CDK14: variants seen among roughly 807,000 people sequenced by gnomAD.
The protein encoded by CDK14 is cyclin-dependent kinase 14.
In CDK14, 34 loss-of-function variants were observed where a neutral mutation model predicts 60.7. The observed-to-expected ratio is 0.56, with a 90% confidence interval of 0.43 to 0.75. The LOEUF (loss-of-function observed/expected upper bound fraction) is 0.75, where lower values mean the gene tolerates loss of function less well. Among genes scored for constraint, CDK14 ranks in the 30% least tolerant of loss-of-function variants. The pLI is 0.00. For missense variants in CDK14, 482 were observed against 564.1 expected (o/e 0.85, Z 1.47); for synonymous variants, 197 against 203.7 (o/e 0.97, Z 0.28).
At chr7:91,181,507 C>T (rs1034476889) in intron 14 of CDK14, among the ~76,000 whole-genome samples, 2 of 152,132 alleles carry the variant, frequency 1.3e-5, no homozygotes, top group African/African-American at 4.8e-5. Context: ...CTGAGGATTA[C>T]AAAATGATTA....
chr7:90,874,278 C>T (rs1302444053), intron 6 of CDK14, among the ~76,000 whole-genome samples: 1 of 152,012 alleles, frequency 6.6e-6, no homozygotes, highest in Non-Finnish European at 1.5e-5. Context: ...ATTCGGTGCT[C>T]ATGCTTGATT....
chr7:90,640,826 T>C (rs1274939122), intron 2 of CDK14, among the ~76,000 whole-genome samples: 3 of 151,972 alleles, frequency 2.0e-5, no homozygotes, highest in Admixed American at 6.6e-5. Flanking sequence ...TCCAGAGAAA[T>C]AAAAATTTTA....
chr7:91,136,308 A>G (rs1584111262), intron 14 of CDK14, among the ~76,000 whole-genome samples: 1 of 152,284 alleles, frequency 6.6e-6, no homozygotes, highest in East Asian at 1.9e-4. Flanking sequence ...TAATCTACAC[A>G]TTTACAAAGA....
intron 4 of CDK14, among the ~76,000 whole-genome samples, chr7:90,771,267 G>C (rs1804773443): frequency 6.6e-6 from 1 of 152,174 alleles, no homozygotes; most frequent in Admixed American, 6.5e-5. Flanking sequence ...GCATGATTCA[G>C]TTACTGCCTT....
chr7:90,744,770 AC>A (rs1256417167), intron 3 of CDK14, among the ~76,000 whole-genome samples: 1 of 114,190 alleles, frequency 8.8e-6, no homozygotes, highest in African/African-American at 3.4e-5. Flanking sequence ...CAGGGGGCTG[AC>A]CCCCCCACCT....
intron 4 of CDK14, among the ~76,000 whole-genome samples, chr7:90,779,791 A>G (rs1349876795): frequency 1.3e-5 from 2 of 152,236 alleles, no homozygotes; most frequent in African/African-American, 4.8e-5. Flanking sequence ...GTTTTAAAAC[A>G]CATGACAATA....
intron 4 of CDK14, among the ~76,000 whole-genome samples, chr7:90,756,015 G>C (rs10281060): frequency 0.43 from 66,035 of 151,994 alleles, 15,182 homozygotes; most frequent in East Asian, 0.82. Context: ...GGCTTAGAGA[G>C]GTTTAGCATC....
At chr7:90,794,393 C>T (rs114504633) in intron 5 of CDK14, among the ~76,000 whole-genome samples, 2,708 of 152,238 alleles carry the variant, frequency 0.018, 75 homozygotes, top group African/African-American at 0.061. Flanking sequence ...CCTAATAAGC[C>T]TGCGAGCTCT....
At chr7:90,938,441 C>T (rs1211423304) in intron 8 of CDK14, among the ~76,000 whole-genome samples, 1 of 152,144 alleles carries the variant, frequency 6.6e-6, no homozygotes, top group African/African-American at 2.4e-5. Flanking sequence ...GTCCAACTTG[C>T]TAATGTTATA....
intron 2 of CDK14, among the ~76,000 whole-genome samples, chr7:90,719,775 C>A (rs900130240): frequency 3.3e-5 from 5 of 152,254 alleles, no homozygotes; most frequent in Admixed American, 6.5e-5. Flanking sequence ...TTTTCGAATA[C>A]CAGGAGACAT....
intron 12 of CDK14, among the ~76,000 whole-genome samples, chr7:91,111,458 G>A (rs1040635725): frequency 6.6e-6 from 1 of 152,096 alleles, no homozygotes; most frequent in African/African-American, 2.4e-5. Context: ...ATATTGCACC[G>A]GGTTTCAGAA....
chr7:90,735,729 A>C (rs918796752), intron 3 of CDK14, among the ~76,000 whole-genome samples: 4 of 152,210 alleles, frequency 2.6e-5, no homozygotes, highest in Non-Finnish European at 5.9e-5. Context: ...GGCAGCGAGA[A>C]TTTCAAGCCA....
chr7:90,709,729 C>A, intron 2 of CDK14: 2 of 1,431,610 alleles, frequency 1.4e-6, no homozygotes, highest in South Asian at 1.5e-5. Flanking sequence ...AGTTTTTGGT[C>A]TTATTCCACT....
chr7:90,879,004 C>T (rs1390806304), intron 6 of CDK14, among the ~76,000 whole-genome samples: 1 of 152,180 alleles, frequency 6.6e-6, no homozygotes, highest in Non-Finnish European at 1.5e-5. Flanking sequence ...GTATATCAGT[C>T]TTCGTAAAAA....
intron 10 of CDK14, among the ~76,000 whole-genome samples, chr7:91,010,831 T>TCCTCCCTCCCTCCCTC (rs1185539845): frequency 1.6e-5 from 1 of 64,016 alleles, no homozygotes; most frequent in Non-Finnish European, 3.0e-5. Context: ...CTTCCTTCCT[T>TCCTCCCTCCCTCCCTC]CCTCCCTCCC....
intron 3 of CDK14, among the ~76,000 whole-genome samples, chr7:90,745,649 C>T (rs368162214): frequency 5.3e-5 from 8 of 152,224 alleles, no homozygotes; most frequent in East Asian, 1.9e-4. Context: ...CTCTTGACCT[C>T]GTTATCTGCC....
intron 11 of CDK14, among the ~76,000 whole-genome samples, chr7:91,074,878 A>G (rs1798251118): frequency 6.6e-6 from 1 of 152,206 alleles, no homozygotes; most frequent in Non-Finnish European, 1.5e-5. Context: ...ACACAAATAA[A>G]CTAGAAAATC....
chr7:90,639,890 G>A (rs1214578412), intron 2 of CDK14, among the ~76,000 whole-genome samples: 4 of 152,106 alleles, frequency 2.6e-5, no homozygotes, highest in African/African-American at 4.8e-5. Context: ...GCTAGCAATC[G>A]GCGAGACTCC....
At chr7:90,989,791 A>G (rs1795479890) in intron 10 of CDK14, among the ~76,000 whole-genome samples, 1 of 152,200 alleles carries the variant, frequency 6.6e-6, no homozygotes, top group Non-Finnish European at 1.5e-5. Context: ...TCTGTAAAGG[A>G]GGAAGTTAAA....
Sources: gnomAD v4.1 joint callset for allele counts (sites outside exome capture counted in the v4.1 genomes callset) on GRCh38, gnomAD v4.1.1 for gene constraint, MANE v1.5 for transcripts, NCBI Gene and HGNC (gene_info 2026-07-23, HGNC 2026-07-21) for gene names.